The following RECK variants were observed in gnomAD, a reference collection of about 807,000 sequenced individuals.
RECK encodes the protein reversion-inducing cysteine-rich protein with Kazal motifs.
In RECK, 69 loss-of-function variants were observed where a neutral mutation model predicts 115.1. That is an observed-to-expected ratio of 0.60 (90% confidence interval 0.49 to 0.73). RECK has a LOEUF of 0.73. RECK is among the 30% of genes least tolerant of loss of function. The pLI is 0.00. For synonymous variants in RECK, 414 were observed against 419.7 expected (o/e 0.99, Z 0.17); for missense variants, 1,047 against 1,203.7 (o/e 0.87, Z 1.93).
intron 1 of RECK, among the ~76,000 whole-genome samples, chr9:36,043,556 G>A (rs1421062596): frequency 1.3e-5 from 2 of 151,458 alleles, no homozygotes; most frequent in Non-Finnish European, 2.9e-5. Context: ...TGATTTTGTT[G>A]CTTTTGCTTT....
chr9:36,105,342 G>A (rs1823758145), intron 13 of RECK, 59 bp downstream of exon 13: 2 of 1,564,132 alleles, frequency 1.3e-6, no homozygotes, highest in African/African-American at 1.4e-5. Flanking sequence ...TTTCTTTATA[G>A]GAGCTATCTT....
chr9:36,065,968 C>T (rs1440552691), intron 6 of RECK, among the ~76,000 whole-genome samples: 2 of 152,074 alleles, frequency 1.3e-5, no homozygotes, highest in East Asian at 3.8e-4. Flanking sequence ...TCTCTTGACC[C>T]ATCCAGGTGG....
At position 36,091,354 on chromosome 9, in the gene RECK, T is replaced by G; in HGVS notation, c.1085+11T>G. ...TAATTTTAACAACAGGTAAGACAAA[T>G]TATTATACATGGAATGGAAATATTT... is the stretch of plus-strand genomic sequence containing the variant. On this transcript the variant is annotated intron_variant, in intron 10 of 20. Coordinates refer to ENST00000377966, the MANE Select transcript of RECK (RefSeq NM_021111.3). The G allele has an allele frequency of 7.0e-7, 1 of 1,437,270 alleles. No individual in the cohort carries two copies. The highest frequency in any genetic ancestry group is 9.2e-7 in the Non-Finnish European group (1 of 1,083,516). The allele number at this position is 1,437,270 out of a possible 1,614,324, so 89.0% of individuals were successfully genotyped here. A position where few individuals can be genotyped will look rare whatever the true frequency, so the allele number is the denominator to read the frequency against.
rs903203077 is a variant in RECK, at chr9:36,123,516, C to T, written c.*471C>T. The T allele has an allele frequency of 1.3e-5, 2 of 153,062 alleles. No individual in the cohort carries two copies. Among genetic ancestry groups the T allele is most frequent in the Non-Finnish European group, 2.9e-5 (2 of 68,684 alleles). 9.5% of individuals were successfully genotyped at this position (153,062 alleles called of 1,614,324 possible). A position where few individuals can be genotyped will look rare whatever the true frequency, so the allele number is the denominator to read the frequency against. ...AGCTAGGGGTCCCAGTGAAGAGCCACTGCCATTAAAGAATATGAAACATAG... is the reference window on the plus strand; with the variant it reads ...AGCTAGGGGTCCCAGTGAAGAGCCATTGCCATTAAAGAATATGAAACATAG... On this transcript the variant is annotated 3_prime_UTR_variant, in exon 21 of 21. Coordinates refer to ENST00000377966, the MANE Select transcript of RECK (RefSeq NM_021111.3).
intron 12 of RECK, 81 bp downstream of exon 12, chr9:36,102,311 T>A (rs949816807): frequency 8.0e-7 from 1 of 1,243,208 alleles, no homozygotes; most frequent in East Asian, 2.3e-5. Flanking sequence ...TTGTTTTGGA[T>A]GAGCATTTAT....
chr9:36,055,317 T>A (rs1448533912), intron 2 of RECK, among the ~76,000 whole-genome samples: 1 of 152,178 alleles, frequency 6.6e-6, no homozygotes, highest in Non-Finnish European at 1.5e-5. Context: ...AAGTATGTGT[T>A]TATCAGTTTA....
At chr9:36,121,736 G>C (rs1824469825) in intron 20 of RECK, 48 bp downstream of exon 20, 1 of 1,597,460 alleles carries the variant, frequency 6.3e-7, no homozygotes, top group African/African-American at 1.3e-5. Context: ...TTCAAGTTTG[G>C]TGCACCTAGG....
chr9:36,079,005 C>G lies in RECK; in HGVS notation c.406-1600C>G, dbSNP rs188813865. Among the ~76,000 whole-genome samples the G allele has an allele frequency of 4.2e-3, 642 of 152,278 alleles. 5 individuals are homozygous for G. The highest frequency in any genetic ancestry group is 0.015 in the African/African-American group (605 of 41,542). On this transcript the variant is annotated intron_variant, in intron 6 of 20. Coordinates refer to ENST00000377966, the MANE Select transcript of RECK (RefSeq NM_021111.3). ...CCGCCTCCCAGGTTCAAGTGATTCT[C>G]TTGCCTCAGCCTCCTGAGTAGCTAG...
At chr9:36,108,575 C>T (rs963785463) in intron 14 of RECK, among the ~76,000 whole-genome samples, 1 of 152,148 alleles carries the variant, frequency 6.6e-6, no homozygotes, top group Non-Finnish European at 1.5e-5. Flanking sequence ...GTCTAGTTGA[C>T]TCCAAATCCC....
chr9:36,109,776 G>A (rs778000350), intron 14 of RECK, among the ~76,000 whole-genome samples, 181 bp from the exon 15 acceptor site: 62 of 151,994 alleles, frequency 4.1e-4, no homozygotes, highest in South Asian at 6.2e-4. Context: ...CCCGGGAAGC[G>A]GAGGTTGCAG....
In RECK at chr9:36,118,812, G is replaced by C; in HGVS notation, c.2309G>C (p.Ser770Thr). The C allele has an allele frequency of 6.2e-7, 1 of 1,614,192 alleles. No homozygotes were observed. Among genetic ancestry groups the C allele is most frequent in the African/African-American group, 1.3e-5 (1 of 75,050 alleles). The change falls in exon 18 of 21, where the codon AGT (serine) becomes ACT (threonine). Residue 770 changes from serine (S) to threonine (T), a missense_variant. Ser to Thr is a moderately conservative substitution (Grantham distance 58). Coordinates refer to ENST00000377966, the MANE Select transcript of RECK (RefSeq NM_021111.3). ...GGGCACAATGGTGAGACCTACAGCA[G>C]TGTGTGTGCTGCCTACTCGGATCGC... is the stretch of plus-strand genomic sequence containing the variant. ...VCGHNGETYS[S>T]VCAAYSDRVA...
intron 7 of RECK, among the ~76,000 whole-genome samples, chr9:36,082,217 T>TA (rs1365280909): frequency 3.3e-5 from 5 of 149,766 alleles, no homozygotes; most frequent in Non-Finnish European, 7.4e-5. Flanking sequence ...AAGATTTGGC[T>TA]GTGTTGCTGA....
chr9:36,088,751 G>T (rs1324150312), intron 9 of RECK, among the ~76,000 whole-genome samples: 1 of 152,262 alleles, frequency 6.6e-6, no homozygotes, highest in East Asian at 1.9e-4. Flanking sequence ...GGGCGCGGTG[G>T]CTCATGCCTG....
intron 1 of RECK, among the ~76,000 whole-genome samples, chr9:36,038,048 C>A (rs1043593794): frequency 4.0e-5 from 6 of 149,496 alleles, no homozygotes; most frequent in Admixed American, 4.0e-4. Flanking sequence ...GCGGTAGGCT[C>A]TCCCCTGTAA....
intron 5 of RECK, among the ~76,000 whole-genome samples, chr9:36,064,791 C>T (rs1564108519): frequency 6.6e-6 from 1 of 152,106 alleles, no homozygotes; most frequent in Non-Finnish European, 1.5e-5. Flanking sequence ...TCCCTGTCCT[C>T]ATCAGCTGGC....
At chr9:36,112,510 A>G (rs1448662229) in intron 16 of RECK, 34 bp downstream of exon 16, 1 of 1,598,708 alleles carries the variant, frequency 6.3e-7, no homozygotes, top group Admixed American at 1.7e-5. Context: ...TATTCAACTG[A>G]AGACTAGTAC....
intron 4 of RECK, among the ~76,000 whole-genome samples, chr9:36,062,677 C>A (rs1315080632): frequency 1.3e-5 from 2 of 150,830 alleles, no homozygotes; most frequent in African/African-American, 4.9e-5. Flanking sequence ...GGGGGTTCAC[C>A]ATGTTGGCCA....
rs1334141291 is a variant in RECK at position 36,118,864 on chromosome 9, C to T, written c.2361C>T (p.Cys787=). ...DRVAVDYYGD[C]QAVGVLSEHS... The stretch of plus-strand genomic sequence containing the variant: ...TGGCAGTCGATTACTATGGGGACTG[C>T]CAGGCCGTCGGAGTCCTCTCAGAGC... The change falls in exon 18 of 21, where the codon TGC becomes TGT. Residue 787 remains cysteine (C), a synonymous_variant. Transcript: ENST00000377966. The T allele has an allele frequency of 1.2e-6, 2 of 1,614,072 alleles. No individual in the cohort carries two copies. The highest frequency in any genetic ancestry group is 1.7e-4 in the Middle Eastern group (1 of 5,982).
At chr9:36,073,241 G>C (rs7865078) in intron 6 of RECK, among the ~76,000 whole-genome samples, 8,115 of 66,814 alleles carry the variant, frequency 0.12, 386 homozygotes, top group East Asian at 0.39. Context: ...GACACACACA[G>C]ACACACACAC....
Sources: allele counts gnomAD v4.1 joint callset (sites outside exome capture counted in the v4.1 genomes callset), GRCh38; gene constraint gnomAD v4.1.1; transcripts MANE v1.5; gene names NCBI Gene and HGNC (gene_info 2026-07-23, HGNC 2026-07-21).